SIK3: variants seen among roughly 807,000 people sequenced by gnomAD.
SIK3 encodes the protein SIK family kinase 3.
In SIK3, 28 loss-of-function variants were observed where a neutral mutation model predicts 144.2. The ratio of observed to expected loss-of-function variants is 0.19; its 90% CI spans 0.14 to 0.27. The LOEUF (loss-of-function observed/expected upper bound fraction) is 0.27, where lower values mean the gene tolerates loss of function less well. SIK3 is among the 10% of genes least tolerant of loss of function. SIK3 has a pLI of 1.00. For missense variants in SIK3, 1,319 were observed against 1,776.0 expected, an observed-to-expected ratio of 0.74 and a Z score of 4.62; for synonymous variants, 686 against 676.3, an observed-to-expected ratio of 1.01 and a Z score of -0.22.
chr11:117,059,618 G>A (rs1050129274), intron 1 of SIK3, among the ~76,000 whole-genome samples: 4 of 152,176 alleles, frequency 2.6e-5, no homozygotes, highest in Non-Finnish European at 5.9e-5. Flanking sequence ...ATCTGGTGAA[G>A]CACTGGTATC....
chr11:117,052,308 A>G (rs566097084), intron 1 of SIK3, among the ~76,000 whole-genome samples: 1 of 152,320 alleles, frequency 6.6e-6, no homozygotes, highest in South Asian at 2.1e-4. Context: ...GGCTTTATAA[A>G]TATTAATATC....
At chr11:117,088,244 AT>A (rs1166675455) in intron 1 of SIK3, among the ~76,000 whole-genome samples, 4 of 152,170 alleles carry the variant, frequency 2.6e-5, no homozygotes, top group Non-Finnish European at 5.9e-5. Flanking sequence ...TCTCAAAAAT[AT>A]AAAAACAAAA....
intron 1 of SIK3, among the ~76,000 whole-genome samples, chr11:117,083,275 T>C (rs1244921499): frequency 2.0e-5 from 3 of 152,042 alleles, no homozygotes; most frequent in East Asian, 1.9e-4. Context: ...CCCTTTTGCA[T>C]GGTCAAAGGC....
At chr11:117,065,845 G>A (rs1226896892) in intron 1 of SIK3, among the ~76,000 whole-genome samples, 1 of 151,850 alleles carries the variant, frequency 6.6e-6, no homozygotes, top group Non-Finnish European at 1.5e-5. Context: ...GGCCAGGCTG[G>A]TCTCGAACTC....
In SIK3 at chr11:116,858,746, G is replaced by GTT; in HGVS notation, c.2766-48_2766-47insAA. 1 of 1,514,334 alleles carries GTT rather than the reference G, an allele frequency of 6.6e-7. No individual in the cohort carries two copies. The allele number at this position is 1,514,334 out of a possible 1,614,324, so 93.8% of individuals were successfully genotyped here. On this transcript the variant is annotated intron_variant, in intron 20 of 24. Coordinates refer to ENST00000445177, the MANE Select transcript of SIK3 (RefSeq NM_001366686.3). The surrounding 1 kb of genome is among the most constrained non-coding windows in gnomAD (Gnocchi z 5.4). ...CCAGACATCCATGTAACAAGTACTA[G>GTT]ACTTCCTGGGAACAGCTCCTCCTCC...
chr11:116,896,761 C>T lies in SIK3; in HGVS notation c.742-385G>A, dbSNP rs556899074. Reference sequence around the variant, plus strand: ...CACGAGTAGGCCGGGTGCAGTGGCTCATGCCTATAATCCCAGCATTTTGGG... The same window carrying T: ...CACGAGTAGGCCGGGTGCAGTGGCTTATGCCTATAATCCCAGCATTTTGGG... On this transcript the variant is annotated intron_variant, in intron 5 of 24. Transcript: ENST00000445177. 3.3e-5 allele frequency among the ~76,000 whole-genome samples: 5 copies of T among 152,332 alleles called. No homozygotes were observed. In the East Asian group the frequency reaches 9.7e-4, roughly 29 times the overall value.
intron 1 of SIK3, among the ~76,000 whole-genome samples, chr11:117,045,912 T>C (rs543601292): frequency 1.3e-5 from 2 of 152,370 alleles, no homozygotes; most frequent in East Asian, 3.9e-4. Flanking sequence ...TTTTTTTATA[T>C]GAGGAAACTA....
chr11:117,011,847 C>T (rs73594141), intron 1 of SIK3, among the ~76,000 whole-genome samples: 8,594 of 152,086 alleles, frequency 0.057, 520 homozygotes, highest in African/African-American at 0.15. Context: ...GTGGCAGTAC[C>T]TGTAGTCCCA....
intron 1 of SIK3, among the ~76,000 whole-genome samples, chr11:117,011,715 C>T (rs771690831): frequency 1.3e-5 from 2 of 152,128 alleles, no homozygotes; most frequent in Admixed American, 6.5e-5. Context: ...TGGTGACTCA[C>T]GCCTATACTC....
intron 1 of SIK3, among the ~76,000 whole-genome samples, chr11:117,067,433 T>C (rs1437170509): frequency 6.6e-6 from 1 of 152,108 alleles, no homozygotes; most frequent in African/African-American, 2.4e-5. Context: ...GAGTACATCC[T>C]AGATGAGGCC....
chr11:116,856,677 G>A (rs1207610632), intron 21 of SIK3, among the ~76,000 whole-genome samples: 1 of 152,156 alleles, frequency 6.6e-6, no homozygotes, highest in Non-Finnish European at 1.5e-5. Flanking sequence ...AAAAGGTCAG[G>A]ATTGAATTGG....
At chr11:117,086,567 C>T (rs1404017682) in intron 1 of SIK3, among the ~76,000 whole-genome samples, 6 of 151,188 alleles carry the variant, frequency 4.0e-5, no homozygotes, top group Non-Finnish European at 7.4e-5. Context: ...GGTGGGCGCC[C>T]GTAGTCCCAG....
intron 3 of SIK3, among the ~76,000 whole-genome samples, chr11:116,941,527 G>A (rs1379340711): frequency 1.3e-5 from 2 of 152,006 alleles, no homozygotes; most frequent in Non-Finnish European, 2.9e-5. Flanking sequence ...ACTTAACACA[G>A]TATCTTGTAC....
intron 6 of SIK3, among the ~76,000 whole-genome samples, chr11:116,893,055 G>A (rs1945212150): frequency 6.6e-6 from 1 of 152,168 alleles, no homozygotes; most frequent in Non-Finnish European, 1.5e-5. Flanking sequence ...AGGGGGTTAG[G>A]GAGAAATGGA....
chr11:116,861,180 G>C lies in SIK3; in HGVS notation c.2425+94C>G, dbSNP rs1220265856. On this transcript the variant is annotated intron_variant, in intron 19 of 24. Coordinates refer to ENST00000445177, the MANE Select transcript of SIK3 (RefSeq NM_001366686.3). ...ATACCCCTGAATACTATGTTATTCT[G>C]CCTTTCAAATGGTTTATGGTGCTCA... is the stretch of plus-strand genomic sequence containing the variant. The C allele has an allele frequency of 4.1e-6, 4 of 981,368 alleles. No individual in the cohort carries two copies. In the African/African-American group the frequency reaches 5.0e-5, roughly 12 times the overall value. The allele number at this position is 981,368 out of a possible 1,614,324, so 60.8% of individuals were successfully genotyped here. A position where few individuals can be genotyped will look rare whatever the true frequency, so the allele number is the denominator to read the frequency against.
chr11:117,023,605 C>CAA (rs1306485013), intron 1 of SIK3, among the ~76,000 whole-genome samples: 84 of 64,048 alleles, frequency 1.3e-3, no homozygotes, highest in South Asian at 5.8e-3. Flanking sequence ...AACAAACAAA[C>CAA]AAACAAAAAA....
intron 1 of SIK3, among the ~76,000 whole-genome samples, chr11:116,988,663 G>A (rs953034233): frequency 1.3e-5 from 2 of 151,634 alleles, no homozygotes; most frequent in African/African-American, 4.8e-5. Flanking sequence ...GCATATTAAT[G>A]TGCACCTGTG....
chr11:116,947,846 G>A (rs938684410), intron 3 of SIK3, among the ~76,000 whole-genome samples: 3 of 151,914 alleles, frequency 2.0e-5, no homozygotes, highest in African/African-American at 4.8e-5. Context: ...TTACAGGCAT[G>A]AGCCACCGTG....
chr11:117,056,973 A>G (rs1028554880), intron 1 of SIK3, among the ~76,000 whole-genome samples: 2 of 152,238 alleles, frequency 1.3e-5, no homozygotes, highest in African/African-American at 4.8e-5. Context: ...AAATATTTCT[A>G]TAGTTTATTT....
Sources: allele counts gnomAD v4.1 joint callset (sites outside exome capture counted in the v4.1 genomes callset), GRCh38; gene constraint gnomAD v4.1.1; non-coding constraint Gnocchi (gnomAD v3.1); transcripts MANE v1.5; gene names NCBI Gene and HGNC (gene_info 2026-07-23, HGNC 2026-07-21).